Variants in SPAG1 observed in about 807,000 individuals in gnomAD.
SPAG1 encodes the protein sperm associated antigen 1, also known as sperm-associated antigen 1.
SPAG1 carries 69 observed loss-of-function variants against 100.5 expected under a neutral mutation model. The ratio of observed to expected loss-of-function variants is 0.69; its 90% CI spans 0.57 to 0.84. The LOEUF is 0.84. Ranked by LOEUF, SPAG1 falls within the 40% of genes least tolerant of loss-of-function variation. The probability of loss-of-function intolerance (pLI) is 0.00; values close to 1 mark genes in which losing one functional copy is unlikely to be tolerated. For synonymous variants in SPAG1, 336 were observed against 411.6 expected (o/e 0.82, Z 2.22); for missense variants, 955 against 1,133.1 (o/e 0.84, Z 2.26).
In SPAG1 at chr8:100,213,366, G is replaced by T. The variant is rs1350224788; in HGVS notation, c.1373G>T (p.Ser458Ile). 9.0e-6 allele frequency: 13 copies of T among 1,451,128 alleles called. No individual in the cohort carries two copies. The Admixed American group carries it at 3.3e-4, about 37-fold the overall frequency. The allele number at this position is 1,451,128 out of a possible 1,614,324, so 89.9% of individuals were successfully genotyped here. ...AGCCAGGGCAACGAGCTGTTCCGAAGCGGGCAGTTCGCCGAGGCGGCCGGC... is the reference window on the plus strand; with the variant it reads ...AGCCAGGGCAACGAGCTGTTCCGAATCGGGCAGTTCGCCGAGGCGGCCGGC... ...LKSQGNELFR[S>I]GQFAEAAGKY... Residue 458 changes from serine to isoleucine, a missense_variant, in exon 11 of 19, where the codon AGC (serine) becomes ATC (isoleucine). Physicochemically the swap from Ser to Ile is moderately radical, Grantham distance 142. Transcript: ENST00000388798.
At chr8:100,218,263 A>G (rs1818100503) in intron 12 of SPAG1, among the ~76,000 whole-genome samples, 6 of 152,154 alleles carry the variant, frequency 3.9e-5, no homozygotes, top group Admixed American at 2.6e-4. Context: ...TGGAATTTCC[A>G]TTCATAAGTT....
Position 100,239,099 on chromosome 8 carries a change from C to T in SPAG1, c.2116-141C>T, listed in dbSNP as rs1439523874. On this transcript the variant is annotated intron_variant, in intron 16 of 18. Coordinates refer to ENST00000388798, the MANE Select transcript of SPAG1 (RefSeq NM_003114.5). This position sits in a 1 kb window ranked among gnomAD's most constrained non-coding sequence, Gnocchi z 5.0. ...CTATTTCAGCTGCATATTCACCCCACAGGCTCACTTTGTAAGAGTGGTATT... is the reference window on the plus strand; with the variant it reads ...CTATTTCAGCTGCATATTCACCCCATAGGCTCACTTTGTAAGAGTGGTATT... 2 of 473,646 alleles carry T rather than the reference C, an allele frequency of 4.2e-6. No homozygotes were observed. Among genetic ancestry groups the T allele is most frequent in the Non-Finnish European group, 7.5e-6 (2 of 266,354 alleles). The allele number at this position is 473,646 out of a possible 1,614,324, so 29.3% of individuals were successfully genotyped here.
In SPAG1 at chr8:100,232,318, TC is replaced by T. The variant is rs1469241783; in HGVS notation, c.1988+1033del. The stretch of plus-strand genomic sequence containing the variant: ...CCCTCTCCTTCTGTAGGCTTTTCTT[TC>T]CCTAGAATTCTCATAGTTCTGAGGG... On this transcript the variant is annotated intron_variant, in intron 15 of 18. Transcript: ENST00000388798. 3.3e-5 allele frequency among the ~76,000 whole-genome samples: 5 copies of T among 152,178 alleles called. No homozygotes were observed. In the East Asian group the frequency reaches 9.7e-4, roughly 29 times the overall value.
At chr8:100,177,716 G>A (rs1816189132) in intron 3 of SPAG1, 100 bp from the exon 4 acceptor site, 1 of 589,968 alleles carries the variant, frequency 1.7e-6, no homozygotes. Context: ...GTGGACCAAT[G>A]CAGTTCAAAC....
At chr8:100,219,814 CT>C (rs1818178719) in intron 12 of SPAG1, among the ~76,000 whole-genome samples, 1 of 152,192 alleles carries the variant, frequency 6.6e-6, no homozygotes, top group Non-Finnish European at 1.5e-5. Flanking sequence ...TTTTGAAGCC[CT>C]TTTGCAGCAA....
intron 13 of SPAG1, among the ~76,000 whole-genome samples, chr8:100,220,686 AT>A (rs987049223): frequency 6.6e-6 from 1 of 151,208 alleles, no homozygotes; most frequent in South Asian, 2.1e-4. Context: ...TTCAATCAGT[AT>A]TTTTTTTTGG....
At chr8:100,222,531 G>T (rs777455005) in intron 13 of SPAG1, among the ~76,000 whole-genome samples, 1 of 152,064 alleles carries the variant, frequency 6.6e-6, no homozygotes. Flanking sequence ...CCCCATCCTC[G>T]GCTTAGTAGT....
At chr8:100,204,801 A>G (rs1470869653) in intron 10 of SPAG1, among the ~76,000 whole-genome samples, 1 of 152,170 alleles carries the variant, frequency 6.6e-6, no homozygotes, top group Non-Finnish European at 1.5e-5. Flanking sequence ...TCTTCTCTGT[A>G]TGTCAGACCT....
At chr8:100,234,926 G>A (rs1018836131) in intron 16 of SPAG1, among the ~76,000 whole-genome samples, 2 of 152,120 alleles carry the variant, frequency 1.3e-5, no homozygotes, top group African/African-American at 4.8e-5. Context: ...TTGATAAGAG[G>A]GGCCCAGGAT....
At chr8:100,182,602 C>T (rs1816412829) in intron 4 of SPAG1, among the ~76,000 whole-genome samples, 1 of 152,128 alleles carries the variant, frequency 6.6e-6, no homozygotes, top group South Asian at 2.1e-4. Flanking sequence ...CTTGCCCTTC[C>T]ATCAGTTTAG....
intron 10 of SPAG1, among the ~76,000 whole-genome samples, chr8:100,205,031 T>A (rs1312785528): frequency 1.3e-5 from 2 of 152,318 alleles, no homozygotes; most frequent in Admixed American, 1.3e-4. Flanking sequence ...GAAGTGAAAT[T>A]GATAGGAAGC....
intron 10 of SPAG1, among the ~76,000 whole-genome samples, chr8:100,211,253 A>G (rs1817706268): frequency 6.6e-6 from 1 of 152,232 alleles, no homozygotes; most frequent in Non-Finnish European, 1.5e-5. Context: ...AACACCCAAC[A>G]GAACTCACAA....
chr8:100,219,289 G>T (rs1340465854), intron 12 of SPAG1, among the ~76,000 whole-genome samples: 1 of 152,200 alleles, frequency 6.6e-6, no homozygotes, highest in African/African-American at 2.4e-5. Context: ...TTAAATACTT[G>T]TTATATTAAC....
chr8:100,197,777 G>A (rs564136994), intron 10 of SPAG1, among the ~76,000 whole-genome samples: 19 of 152,156 alleles, frequency 1.2e-4, no homozygotes, highest in African/African-American at 4.6e-4. Context: ...AGTTCATCCC[G>A]ACTGGGGTAT....
intron 14 of SPAG1, 86 bp downstream of exon 14, chr8:100,225,425 T>A: frequency 1.6e-6 from 2 of 1,244,962 alleles, no homozygotes; most frequent in Non-Finnish European, 2.3e-6. Context: ...ATAAGAGCAT[T>A]AATTCTAGAA....
chr8:100,159,120 T>C (rs1470786280), intron 1 of SPAG1: 1 of 152,202 alleles, frequency 6.6e-6, no homozygotes, highest in Non-Finnish European at 1.5e-5. Context: ...GCAAAATACC[T>C]TCAATTCAAG....
Position 100,176,048 on chromosome 8 carries a change from A to AT in SPAG1, c.301-1761dup, listed in dbSNP as rs373711186. Among the ~76,000 whole-genome samples, 11 of 151,842 alleles carry AT rather than the reference A, an allele frequency of 7.2e-5. No homozygotes were observed. The East Asian group carries it at 7.7e-4, about 11-fold the overall frequency. ...CTTACTAATAAATATCCTTTGTGGC[A>AT]TTTTTTTCCCCAAGAATACAGCACT... On this transcript the variant is annotated intron_variant, in intron 3 of 18. Coordinates refer to ENST00000388798, the MANE Select transcript of SPAG1 (RefSeq NM_003114.5).
chr8:100,230,389 G>C (rs1818713642), intron 14 of SPAG1, among the ~76,000 whole-genome samples: 1 of 152,248 alleles, frequency 6.6e-6, no homozygotes, highest in South Asian at 2.1e-4. Context: ...TAAAAGCGCT[G>C]TGTGAGGCAG....
At chr8:100,210,819 T>C (rs1462215064) in intron 10 of SPAG1, among the ~76,000 whole-genome samples, 1 of 151,562 alleles carries the variant, frequency 6.6e-6, no homozygotes, top group Non-Finnish European at 1.5e-5. Flanking sequence ...CCTTGCCAGT[T>C]CCACACCCAA....
Sources: gnomAD v4.1 joint callset for allele counts (sites outside exome capture counted in the v4.1 genomes callset) on GRCh38, gnomAD v4.1.1 for gene constraint, Gnocchi (gnomAD v3.1) non-coding constraint, MANE v1.5 for transcripts, NCBI Gene and HGNC (gene_info 2026-07-23, HGNC 2026-07-21) for gene names.